Variants in SCN1A observed in about 807,000 individuals in gnomAD.
The protein encoded by SCN1A is sodium channel protein type 1 subunit alpha.
A neutral mutation model predicts 193.7 loss-of-function variants in SCN1A; 13 were observed. That is an observed-to-expected ratio of 0.07 (90% CI 0.04 to 0.11). The LOEUF is 0.11. Among genes scored for constraint, SCN1A ranks in the 10% least tolerant of loss-of-function variants. SCN1A has a pLI of 1.00. For missense variants in SCN1A, 1,432 were observed against 2,451.1 expected (o/e 0.58, Z 8.78); for synonymous variants, 781 against 843.6 (o/e 0.93, Z 1.29).
chr2:166,085,790 C>T (rs1235686195), intron 2 of SCN1A, among the ~76,000 whole-genome samples: 1 of 152,082 alleles, frequency 6.6e-6, no homozygotes, highest in Non-Finnish European at 1.5e-5. Context: ...TCATTTGGTT[C>T]AGATTCTGTA....
In SCN1A at chr2:166,145,190, C is replaced by T. The variant is rs371761724; in HGVS notation, c.-50+3857G>A. 3.6e-5 allele frequency among the ~76,000 whole-genome samples: 5 copies of T among 139,350 alleles called. 1 individual carries two copies. In the East Asian group the frequency reaches 6.7e-4, roughly 19 times the overall value. 91.4% of individuals were successfully genotyped at this position (139,350 alleles called of 152,430 possible). On this transcript the variant is annotated intron_variant, in intron 1 of 26. Coordinates refer to the SCN1A transcript ENST00000635750. Reference sequence around the variant, plus strand: ...TTTTTTTTTGTGGGGGACAGAGTCTCGCTCTGTCGTCCAGGCTGGAGTGCA... The same window carrying T: ...TTTTTTTTTGTGGGGGACAGAGTCTTGCTCTGTCGTCCAGGCTGGAGTGCA...
chr2:166,022,147 A>G (rs1049566607), intron 19 of SCN1A, among the ~76,000 whole-genome samples: 2 of 152,164 alleles, frequency 1.3e-5, no homozygotes, highest in South Asian at 4.1e-4. Flanking sequence ...GGGGAAATGC[A>G]TGCCCAAATT....
At chr2:166,000,895 GTT>G (rs35503358) in intron 24 of SCN1A, among the ~76,000 whole-genome samples, 18 of 139,498 alleles carry the variant, frequency 1.3e-4, no homozygotes, top group Non-Finnish European at 1.7e-4. Context: ...ATTTTAGAGG[GTT>G]TTTTTTTTTT....
Position 166,056,402 on chromosome 2 carries a change from T to G in SCN1A, c.473+9A>C, listed in dbSNP as rs571963052. ...TATATATGTTATTAAAAATATAAGT[T>G]GAACTTACTCTACATTCTTTGTCCA... On this transcript the variant is annotated intron_variant, in intron 6 of 28. Transcript: ENST00000674923. 8 of 1,517,766 alleles carry G rather than the reference T, an allele frequency of 5.3e-6. No individual in the cohort carries two copies. In the East Asian group the frequency reaches 1.8e-4, roughly 34 times the overall value. 94.0% of individuals were successfully genotyped at this position (1,517,766 alleles called of 1,614,324 possible).
chr2:166,134,775 C>G (rs914718751), intron 1 of SCN1A, among the ~76,000 whole-genome samples: 3 of 152,182 alleles, frequency 2.0e-5, no homozygotes, highest in Non-Finnish European at 1.5e-5. Flanking sequence ...TGATGGTTAT[C>G]TGTCATATGG....
At chr2:166,035,788 G>A (rs904158222) in intron 19 of SCN1A, among the ~76,000 whole-genome samples, 11 of 152,112 alleles carry the variant, frequency 7.2e-5, no homozygotes, top group Admixed American at 4.6e-4. Flanking sequence ...TTGTAATCAC[G>A]TGGTTGACTG....
intron 17 of SCN1A, among the ~76,000 whole-genome samples, chr2:166,038,440 A>C (rs1696738095): frequency 6.6e-6 from 1 of 152,030 alleles, no homozygotes; most frequent in African/African-American, 2.4e-5. Context: ...TCCCAGGTTA[A>C]AGTGATCCTC....
intron 3 of SCN1A, 37 bp from the exon 4 acceptor site, chr2:166,073,707 A>G: frequency 2.2e-6 from 3 of 1,347,028 alleles, no homozygotes; most frequent in Non-Finnish European, 3.1e-6. Context: ...TAAAGAGTGG[A>G]CTAAGAGATG....
At chr2:165,996,705 A>T (rs984680248) in intron 26 of SCN1A, among the ~76,000 whole-genome samples, 3 of 151,482 alleles carry the variant, frequency 2.0e-5, no homozygotes, top group Non-Finnish European at 4.4e-5. Context: ...ACTGGCAAGT[A>T]AGTGAAATAG....
rs145091118 is a variant in SCN1A, at chr2:165,994,009, C to A, written c.4852+137G>T. On this transcript the variant is annotated intron_variant, in intron 28 of 28. Transcript: ENST00000674923. ...AGTAGGAGACATTTTGTTAAAAAAA[C>A]AAACACACTTGGATAAAATGTATCA... is the stretch of plus-strand genomic sequence containing the variant. 5 of 753,474 alleles carry A rather than the reference C, an allele frequency of 6.6e-6. No individual in the cohort carries two copies. In the East Asian group the frequency reaches 1.4e-4, roughly 20 times the overall value. The allele number at this position is 753,474 out of a possible 1,614,324, so 46.7% of individuals were successfully genotyped here. A position where few individuals can be genotyped will look rare whatever the true frequency, so the allele number is the denominator to read the frequency against.
chr2:166,092,058 A>AT lies in SCN1A; in HGVS notation c.-141-14258dup, dbSNP rs201317689. On this transcript the variant is annotated intron_variant, in intron 2 of 28. Transcript: ENST00000674923. The stretch of plus-strand genomic sequence containing the variant: ...CTGTTTAGAGCTTCATTCAGATAAT[A>AT]TTTTTTTCTTTAAAATCCAAGAATG... Among the ~76,000 whole-genome samples the AT allele has an allele frequency of 8.3e-3, 1,270 of 152,204 alleles. 12 individuals carry two copies. The highest frequency in any genetic ancestry group is 0.024 in the Middle Eastern group (7 of 294).
Position 166,101,863 on chromosome 2 carries a change from T to C in SCN1A, c.-141-24062A>G, listed in dbSNP as rs547246618. On this transcript the variant is annotated intron_variant, in intron 2 of 28. Transcript: ENST00000674923. ...AAAGCAATTGCAACAAAACCAAAAA[T>C]AGACAAGTGGGACCTAATTAAAATA... Among the ~76,000 whole-genome samples, 3 of 152,020 alleles carry C rather than the reference T, an allele frequency of 2.0e-5. No individual in the cohort carries two copies. The South Asian group carries it at 6.2e-4, about 32-fold the overall frequency.
chr2:166,122,210 G>A (rs1690680225), intron 2 of SCN1A, among the ~76,000 whole-genome samples: 1 of 152,066 alleles, frequency 6.6e-6, no homozygotes, highest in Non-Finnish European at 1.5e-5. Context: ...TTTCCCCAAT[G>A]GTATCTGTGA....
chr2:166,006,152 A>T (rs1691623090), intron 23 of SCN1A, among the ~76,000 whole-genome samples: 1 of 151,348 alleles, frequency 6.6e-6, no homozygotes. Context: ...TCTCTAATAG[A>T]AATAAAGAAA....
At chr2:166,028,422 A>G (rs1406968614) in intron 19 of SCN1A, among the ~76,000 whole-genome samples, 2 of 152,170 alleles carry the variant, frequency 1.3e-5, no homozygotes, top group Non-Finnish European at 2.9e-5. Context: ...AAATTATAAC[A>G]TACTTAATAA....
intron 4 of SCN1A, chr2:166,071,967 C>T (rs1026953395): frequency 6.6e-6 from 1 of 151,894 alleles, no homozygotes; most frequent in African/African-American, 2.4e-5. Context: ...AAATCTGAAC[C>T]TAAGGCTAGT....
intron 2 of SCN1A, among the ~76,000 whole-genome samples, chr2:166,085,700 CT>C (rs1686039375): frequency 1.3e-5 from 2 of 152,070 alleles, no homozygotes; most frequent in African/African-American, 4.8e-5. Flanking sequence ...GACACTTTCA[CT>C]TTTCCAAATA....
intron 19 of SCN1A, among the ~76,000 whole-genome samples, chr2:166,026,847 C>G (rs772027597): frequency 6.6e-5 from 10 of 151,856 alleles, no homozygotes; most frequent in Non-Finnish European, 1.0e-4. Flanking sequence ...CTGCACCCGG[C>G]TAATTTTTTG....
At chr2:166,058,404 A>G (rs1366341692) in intron 5 of SCN1A, among the ~76,000 whole-genome samples, 166 bp downstream of exon 5, 3 of 152,216 alleles carry the variant, frequency 2.0e-5, no homozygotes, top group Non-Finnish European at 2.9e-5. Flanking sequence ...AGTAATGTCT[A>G]TGTGATTAAT....
Sources: allele counts gnomAD v4.1 joint callset (sites outside exome capture counted in the v4.1 genomes callset), GRCh38; gene constraint gnomAD v4.1.1; transcripts MANE v1.5; gene names NCBI Gene and HGNC (gene_info 2026-07-23, HGNC 2026-07-21).